Variants in SH3GL2 observed in about 807,000 individuals in gnomAD.
SH3GL2 encodes the protein SH3 domain containing GRB2 like 2, endophilin A1, also known as endophilin-A1.
SH3GL2 carries 24 observed loss-of-function variants against 46.0 expected under a neutral mutation model. That is an observed-to-expected ratio of 0.52 (90% confidence interval 0.38 to 0.73). SH3GL2 has a LOEUF of 0.73. Among genes scored for constraint, SH3GL2 ranks in the 30% least tolerant of loss-of-function variants. The pLI is 0.00. For synonymous variants in SH3GL2, 196 were observed against 147.1 expected (o/e 1.33, Z -2.40); for missense variants, 413 against 424.2 (o/e 0.97, Z 0.23).
At chr9:17,758,342 C>G (rs1823062820) in intron 2 of SH3GL2, among the ~76,000 whole-genome samples, 2 of 151,992 alleles carry the variant, frequency 1.3e-5, no homozygotes, top group African/African-American at 4.8e-5. Context: ...GGATGGATCA[C>G]TTGAGGCCAG....
chr9:17,723,620 G>C (rs887099078), intron 1 of SH3GL2, among the ~76,000 whole-genome samples: 4 of 152,140 alleles, frequency 2.6e-5, no homozygotes, highest in Admixed American at 2.6e-4. Flanking sequence ...TTCAGATAAA[G>C]TCTTTTGACA....
intron 1 of SH3GL2, among the ~76,000 whole-genome samples, chr9:17,746,309 C>G (rs978505923): frequency 1.3e-5 from 2 of 152,152 alleles, no homozygotes; most frequent in African/African-American, 2.4e-5. Flanking sequence ...ATCTCCTGAC[C>G]TCGTGATCCA....
rs991611510 is a variant in SH3GL2 at position 17,624,562 on chromosome 9, A to G, written c.45+45275A>G. On this transcript the variant is annotated intron_variant, in intron 1 of 8. Coordinates refer to ENST00000380607, the MANE Select transcript of SH3GL2 (RefSeq NM_003026.5). Reference sequence around the variant, plus strand: ...TTTTTGTGTGCACTCAAGAGTTCCCATTTTCCGTTGGTTCATAATTTACCA... The same window carrying G: ...TTTTTGTGTGCACTCAAGAGTTCCCGTTTTCCGTTGGTTCATAATTTACCA... Among the ~76,000 whole-genome samples, 3 of 151,952 alleles carry G rather than the reference A, an allele frequency of 2.0e-5. No individual in the cohort carries two copies. The East Asian group carries it at 5.8e-4, about 29-fold the overall frequency.
chr9:17,659,298 G>A (rs905530021), intron 1 of SH3GL2, among the ~76,000 whole-genome samples: 7 of 152,176 alleles, frequency 4.6e-5, no homozygotes, highest in African/African-American at 1.7e-4. Context: ...CTGTGTTCCT[G>A]GGAGAACTCT....
chr9:17,674,295 C>T (rs192510996), intron 1 of SH3GL2, among the ~76,000 whole-genome samples: 36 of 152,220 alleles, frequency 2.4e-4, no homozygotes, highest in African/African-American at 8.7e-4. Context: ...AAGACGGAGT[C>T]TCTCTCTGTT....
chr9:17,618,032 A>G (rs1819046230), intron 1 of SH3GL2, among the ~76,000 whole-genome samples: 2 of 152,290 alleles, frequency 1.3e-5, no homozygotes, highest in East Asian at 1.9e-4. Flanking sequence ...AAGCTGCACT[A>G]CAGCAGAAGT....
chr9:17,685,479 C>T (rs1268668226), intron 1 of SH3GL2, among the ~76,000 whole-genome samples: 1 of 152,092 alleles, frequency 6.6e-6, no homozygotes, highest in Non-Finnish European at 1.5e-5. Flanking sequence ...TAACTGGATA[C>T]TATTGCCTAG....
At chr9:17,623,241 T>TC (rs1819198876) in intron 1 of SH3GL2, among the ~76,000 whole-genome samples, 1 of 151,916 alleles carries the variant, frequency 6.6e-6, no homozygotes, top group South Asian at 2.1e-4. Context: ...GTGTCTAAGG[T>TC]CCCTACGATA....
chr9:17,677,702 C>T (rs1820648529), intron 1 of SH3GL2, among the ~76,000 whole-genome samples: 1 of 151,740 alleles, frequency 6.6e-6, no homozygotes, highest in Non-Finnish European at 1.5e-5. Flanking sequence ...CATATGTATA[C>T]ATGTGCCATG....
chr9:17,613,888 C>G (rs1818924568), intron 1 of SH3GL2, among the ~76,000 whole-genome samples: 1 of 152,156 alleles, frequency 6.6e-6, no homozygotes, highest in African/African-American at 2.4e-5. Context: ...CATCTTAATG[C>G]CACTAAATTA....
chr9:17,793,330 T>A, intron 7 of SH3GL2, 37 bp from the exon 8 acceptor site: 1 of 1,579,872 alleles, frequency 6.3e-7, no homozygotes. Flanking sequence ...TCTTAACTGG[T>A]TACATAACCT....
intron 1 of SH3GL2, among the ~76,000 whole-genome samples, chr9:17,608,302 C>T (rs566161758): frequency 3.3e-5 from 5 of 152,036 alleles, no homozygotes; most frequent in African/African-American, 9.6e-5. Context: ...CGCCCACCAC[C>T]ACACCTGGCT....
chr9:17,642,864 G>C (rs898350185), intron 1 of SH3GL2, among the ~76,000 whole-genome samples: 3 of 152,078 alleles, frequency 2.0e-5, no homozygotes, highest in African/African-American at 7.2e-5. Context: ...ATTTAAAGTA[G>C]TTTTTTCTAA....
intron 1 of SH3GL2, among the ~76,000 whole-genome samples, chr9:17,635,825 G>A (rs1819529392): frequency 6.6e-6 from 1 of 152,168 alleles, no homozygotes; most frequent in Non-Finnish European, 1.5e-5. Context: ...TTTCCTGGTT[G>A]CTTCCAACTC....
intron 5 of SH3GL2, among the ~76,000 whole-genome samples, chr9:17,788,621 G>A (rs1041475906): frequency 6.6e-6 from 1 of 152,100 alleles, no homozygotes; most frequent in African/African-American, 2.4e-5. Flanking sequence ...AGAGATGATG[G>A]GTGGAGCCTG....
At chr9:17,652,433 G>A (rs1488791071) in intron 1 of SH3GL2, among the ~76,000 whole-genome samples, 1 of 151,772 alleles carries the variant, frequency 6.6e-6, no homozygotes, top group Non-Finnish European at 1.5e-5. Flanking sequence ...ATATAATCTG[G>A]TGGAGTTTTT....
At chr9:17,775,288 A>C (rs1823609862) in intron 3 of SH3GL2, among the ~76,000 whole-genome samples, 3 of 152,148 alleles carry the variant, frequency 2.0e-5, no homozygotes, top group Admixed American at 2.0e-4. Context: ...TAGGTGATGA[A>C]GGGGCAAGTG....
intron 1 of SH3GL2, among the ~76,000 whole-genome samples, chr9:17,620,871 G>A (rs572389442): frequency 6.6e-6 from 1 of 152,306 alleles, no homozygotes; most frequent in South Asian, 2.1e-4. Flanking sequence ...GGTCTGAAAG[G>A]GGGAGGTAAG....
chr9:17,701,494 G>A (rs1821341741), intron 1 of SH3GL2, among the ~76,000 whole-genome samples: 1 of 152,044 alleles, frequency 6.6e-6, no homozygotes, highest in African/African-American at 2.4e-5. Context: ...ACAAGCATGA[G>A]TATAGAAATT....
Sources: gnomAD v4.1 joint callset for allele counts (sites outside exome capture counted in the v4.1 genomes callset) on GRCh38, gnomAD v4.1.1 for gene constraint, MANE v1.5 for transcripts, NCBI Gene and HGNC (gene_info 2026-07-23, HGNC 2026-07-21) for gene names.